The following AGBL4 variants were observed in gnomAD, a reference collection of about 807,000 sequenced individuals.
AGBL4 encodes the protein AGBL carboxypeptidase 4.
Under a neutral mutation model 66.4 loss-of-function variants are expected in AGBL4, and 58 were observed. That is an observed-to-expected ratio of 0.87 (90% CI 0.71 to 1.09). AGBL4 has a LOEUF of 1.09. Ranked by LOEUF, AGBL4 falls within the 50% of genes least tolerant of loss-of-function variation. The probability of loss-of-function intolerance (pLI) is 0.00; values close to 1 mark genes in which losing one functional copy is unlikely to be tolerated. For missense variants in AGBL4, 579 were observed against 631.0 expected (o/e 0.92, Z 0.88); for synonymous variants, 234 against 222.9 (o/e 1.05, Z -0.44).
chr1:49,245,808 C>T lies in AGBL4; in HGVS notation c.339G>A (p.Gly113=), dbSNP rs933435114. The change falls in exon 4 of 14, where the codon GGG becomes GGA. Residue 113 remains glycine, a synonymous_variant. Coordinates refer to ENST00000371839, the MANE Select transcript of AGBL4 (RefSeq NM_032785.4). The part of the protein sequence containing the change: ...FSKTKSLYRD[G]MAPMVKSTSR... Reference sequence around the variant, plus strand: ...TGGTAGATTTCACCATAGGGGCCATCCCATCTCTATAGAGACTCTTGGTTT... The same window carrying T: ...TGGTAGATTTCACCATAGGGGCCATTCCATCTCTATAGAGACTCTTGGTTT... 1.3e-5 allele frequency: 20 copies of T among 1,549,820 alleles called. No individual in the cohort carries two copies. Among genetic ancestry groups the T allele is most frequent in the Non-Finnish European group, 1.6e-5 (18 of 1,145,630 alleles).
intron 2 of AGBL4, among the ~76,000 whole-genome samples, chr1:49,740,829 A>G (rs1342062225): frequency 6.6e-6 from 1 of 152,234 alleles, no homozygotes; most frequent in Admixed American, 6.5e-5. Context: ...GAAGGCAGAA[A>G]TAAAGATGTT....
intron 4 of AGBL4, among the ~76,000 whole-genome samples, chr1:49,074,562 T>G (rs1276973129): frequency 6.6e-6 from 1 of 152,226 alleles, no homozygotes; most frequent in Non-Finnish European, 1.5e-5. Flanking sequence ...GTTGGGCCCA[T>G]GCTAAGCCCA....
rs1329961122 is a variant in AGBL4, at chr1:48,748,304, T to C, written c.635-85063A>G. Among the ~76,000 whole-genome samples, 4 of 152,210 alleles carry C rather than the reference T, an allele frequency of 2.6e-5. No individual in the cohort carries two copies. In the East Asian group the frequency reaches 5.8e-4, roughly 22 times the overall value. On this transcript the variant is annotated intron_variant, in intron 6 of 13. Transcript: ENST00000371839. ...GCTGCTGTAGCGTGCCTCTGTTTCT[T>C]AGCCCCATTAGTCTTCCAGTGAAAG... is the stretch of plus-strand genomic sequence containing the variant.
chr1:48,685,589 T>C (rs1646519060), intron 6 of AGBL4, among the ~76,000 whole-genome samples: 1 of 152,108 alleles, frequency 6.6e-6, no homozygotes, highest in Non-Finnish European at 1.5e-5. Context: ...GTGCAGCCTT[T>C]GAAAAATTAG....
intron 3 of AGBL4, among the ~76,000 whole-genome samples, chr1:49,659,310 A>G (rs780932551): frequency 4.6e-5 from 7 of 152,196 alleles, no homozygotes; most frequent in Non-Finnish European, 1.0e-4. Flanking sequence ...TTCACACATA[A>G]TAATATTAAC....
intron 11 of AGBL4, among the ~76,000 whole-genome samples, chr1:48,540,220 T>A (rs1378372766): frequency 6.6e-6 from 1 of 152,170 alleles, no homozygotes; most frequent in Non-Finnish European, 1.5e-5. Context: ...TCAGGCACAA[T>A]GGTAAAACCC....
At chr1:49,979,995 TTCTCTTCC>T (rs1365850901) in intron 1 of AGBL4, among the ~76,000 whole-genome samples, 1 of 152,210 alleles carries the variant, frequency 6.6e-6, no homozygotes, top group Non-Finnish European at 1.5e-5. Flanking sequence ...TAAATGTATT[TTCTCTTCC>T]TTATGATTTT....
intron 11 of AGBL4, among the ~76,000 whole-genome samples, chr1:48,556,431 T>C (rs1644322129): frequency 6.6e-6 from 1 of 152,178 alleles, no homozygotes; most frequent in Non-Finnish European, 1.5e-5. Flanking sequence ...TCCATCCTGC[T>C]CCATTTTAGT....
chr1:49,584,921 T>C (rs925382646), intron 3 of AGBL4, among the ~76,000 whole-genome samples: 1 of 152,216 alleles, frequency 6.6e-6, no homozygotes, highest in East Asian at 1.9e-4. Flanking sequence ...AGCTTGTAAG[T>C]TGCAGAACCA....
chr1:48,755,455 G>A (rs1050718182), intron 6 of AGBL4, among the ~76,000 whole-genome samples: 1 of 152,156 alleles, frequency 6.6e-6, no homozygotes. Flanking sequence ...CCTAGCTGAG[G>A]TGGACAAAAA....
chr1:49,325,725 C>T (rs1645216335), intron 3 of AGBL4, among the ~76,000 whole-genome samples: 1 of 152,056 alleles, frequency 6.6e-6, no homozygotes, highest in African/African-American at 2.4e-5. Context: ...AATTGTAATC[C>T]CCAATGTTGC....
chr1:48,605,141 T>C (rs1645135850), intron 9 of AGBL4, among the ~76,000 whole-genome samples: 1 of 152,212 alleles, frequency 6.6e-6, no homozygotes, highest in South Asian at 2.1e-4. Context: ...GAGCCAAGGA[T>C]AAAATCTAGA....
At chr1:50,000,086 CT>C (rs1660636445) in intron 1 of AGBL4, among the ~76,000 whole-genome samples, 1 of 152,054 alleles carries the variant, frequency 6.6e-6, no homozygotes. Context: ...CTTAATGAAA[CT>C]AAAAATCTTT....
At chr1:48,842,451 T>C (rs1307851111) in intron 6 of AGBL4, among the ~76,000 whole-genome samples, 1 of 152,174 alleles carries the variant, frequency 6.6e-6, no homozygotes, top group East Asian at 1.9e-4. Flanking sequence ...CCAGTTCTCC[T>C]GTGGATGCTT....
At chr1:49,776,044 A>T (rs1434757542) in intron 2 of AGBL4, among the ~76,000 whole-genome samples, 1 of 152,084 alleles carries the variant, frequency 6.6e-6, no homozygotes, top group African/African-American at 2.4e-5. Context: ...GTTCAGAGTA[A>T]ATTGAGAGAA....
chr1:48,666,617 T>C (rs530180531), intron 6 of AGBL4, among the ~76,000 whole-genome samples: 10 of 152,342 alleles, frequency 6.6e-5, no homozygotes, highest in African/African-American at 2.4e-4. Context: ...TGAATACCTA[T>C]TAGATGGCCA....
chr1:48,777,816 G>A (rs953899820), intron 6 of AGBL4, among the ~76,000 whole-genome samples: 1 of 152,164 alleles, frequency 6.6e-6, no homozygotes, highest in African/African-American at 2.4e-5. Context: ...GGGTAACACA[G>A]GCCCAAGGCT....
At chr1:49,850,656 A>G (rs1646280971) in intron 2 of AGBL4, among the ~76,000 whole-genome samples, 1 of 152,150 alleles carries the variant, frequency 6.6e-6, no homozygotes, top group Admixed American at 6.5e-5. Context: ...CTATTATATA[A>G]CTGATATTGG....
At chr1:48,893,583 G>C (rs1471948633) in intron 5 of AGBL4, among the ~76,000 whole-genome samples, 1 of 152,066 alleles carries the variant, frequency 6.6e-6, no homozygotes, top group Non-Finnish European at 1.5e-5. Context: ...TACTCGGGAG[G>C]CTGAGGCAGG....
Sources: allele counts gnomAD v4.1 joint callset (sites outside exome capture counted in the v4.1 genomes callset), GRCh38; gene constraint gnomAD v4.1.1; transcripts MANE v1.5; gene names NCBI Gene and HGNC (gene_info 2026-07-23, HGNC 2026-07-21).